CNTN5: variants seen among roughly 807,000 people sequenced by gnomAD.
CNTN5 encodes the protein contactin 5.
Under a neutral mutation model 129.1 loss-of-function variants are expected in CNTN5, and 77 were observed. That is an observed-to-expected ratio of 0.60 (90% CI 0.50 to 0.72). The LOEUF is 0.72. Ranked by LOEUF, CNTN5 falls within the 30% of genes least tolerant of loss-of-function variation. The probability of loss-of-function intolerance (pLI) is 0.00; values close to 1 mark genes in which losing one functional copy is unlikely to be tolerated. For missense variants in CNTN5, 1,478 were observed against 1,328.8 expected (o/e 1.11, Z -1.75); for synonymous variants, 509 against 465.6 (o/e 1.09, Z -1.20).
intron 13 of CNTN5, among the ~76,000 whole-genome samples, chr11:100,170,789 A>G (rs79036891): frequency 0.01 from 1,543 of 151,852 alleles, 21 homozygotes; most frequent in African/African-American, 0.032. Flanking sequence ...TTAAACTTCA[A>G]GGCAACTTCA....
intron 2 of CNTN5, among the ~76,000 whole-genome samples, chr11:99,531,132 A>G (rs550052149): frequency 6.6e-6 from 1 of 152,300 alleles, no homozygotes; most frequent in Non-Finnish European, 1.5e-5. Flanking sequence ...TGATAGGGAT[A>G]TGGACAATAA....
At chr11:99,087,623 T>A (rs1417870237) in intron 1 of CNTN5, among the ~76,000 whole-genome samples, 5 of 152,216 alleles carry the variant, frequency 3.3e-5, no homozygotes, top group African/African-American at 1.2e-4. Flanking sequence ...TCCCTAGTAC[T>A]TCTTGATATC....
intron 18 of CNTN5, among the ~76,000 whole-genome samples, chr11:100,271,513 C>T (rs947332995): frequency 2.2e-4 from 34 of 152,144 alleles, no homozygotes; most frequent in African/African-American, 7.7e-4. Flanking sequence ...GAAATTAAAG[C>T]AGTTCATTTA....
chr11:99,445,849 C>A (rs1216128302), intron 2 of CNTN5, among the ~76,000 whole-genome samples: 1 of 151,818 alleles, frequency 6.6e-6, no homozygotes, highest in Non-Finnish European at 1.5e-5. Context: ...TTTGGGAGGC[C>A]GAGGCAGGCG....
intron 3 of CNTN5, among the ~76,000 whole-genome samples, chr11:99,643,875 T>C (rs609049): frequency 0.6 from 91,317 of 151,868 alleles, 28,294 homozygotes; most frequent in Admixed American, 0.69. Flanking sequence ...GTAAAAGAAC[T>C]ATATTAACTT....
At chr11:99,099,514 A>T (rs919176303) in intron 1 of CNTN5, among the ~76,000 whole-genome samples, 1 of 151,152 alleles carries the variant, frequency 6.6e-6, no homozygotes, top group African/African-American at 2.4e-5. Context: ...GTGTCACCCC[A>T]GGAACGTCTT....
At chr11:99,444,074 T>TGTA (rs1221080223) in intron 2 of CNTN5, among the ~76,000 whole-genome samples, 1 of 151,724 alleles carries the variant, frequency 6.6e-6, no homozygotes, top group Non-Finnish European at 1.5e-5. Flanking sequence ...GGTGGGCGCC[T>TGTA]GTAGTCCCAG....
intron 9 of CNTN5, among the ~76,000 whole-genome samples, chr11:100,005,953 T>C (rs184026823): frequency 1.4e-4 from 22 of 152,206 alleles, no homozygotes; most frequent in Non-Finnish European, 2.6e-4. Context: ...ACCAAATATG[T>C]TCCTAGATAT....
chr11:99,124,250 G>A (rs907362194), intron 1 of CNTN5, among the ~76,000 whole-genome samples: 53 of 151,860 alleles, frequency 3.5e-4, no homozygotes, highest in African/African-American at 1.3e-3. Flanking sequence ...TCCTTTTCCT[G>A]GTTAGCTATA....
intron 3 of CNTN5, among the ~76,000 whole-genome samples, chr11:99,579,122 T>G (rs1949475851): frequency 6.6e-6 from 1 of 152,184 alleles, no homozygotes; most frequent in Non-Finnish European, 1.5e-5. Flanking sequence ...GTCAGGTTTG[T>G]CAAAGATCAG....
chr11:99,425,621 G>A (rs1433270792), intron 2 of CNTN5, among the ~76,000 whole-genome samples: 1 of 152,242 alleles, frequency 6.6e-6, no homozygotes, highest in Non-Finnish European at 1.5e-5. Flanking sequence ...GTGCACTGGA[G>A]CAGGTGCCAG....
At chr11:99,126,574 C>T (rs554108540) in intron 1 of CNTN5, among the ~76,000 whole-genome samples, 3 of 152,124 alleles carry the variant, frequency 2.0e-5, no homozygotes, top group East Asian at 1.9e-4. Context: ...CAGGTAAGAG[C>T]GTAATGATAA....
intron 8 of CNTN5, among the ~76,000 whole-genome samples, chr11:99,999,459 A>G (rs1325037862): frequency 6.6e-6 from 1 of 152,210 alleles, no homozygotes; most frequent in African/African-American, 2.4e-5. Flanking sequence ...ACAATGAGAT[A>G]CCATCTCACA....
chr11:99,348,249 G>T (rs1440029911), intron 2 of CNTN5, among the ~76,000 whole-genome samples: 2 of 152,104 alleles, frequency 1.3e-5, no homozygotes, highest in African/African-American at 4.8e-5. Context: ...TGAGGCAGGA[G>T]AATGGCGTGA....
intron 9 of CNTN5, among the ~76,000 whole-genome samples, chr11:100,007,532 T>G (rs745660823): frequency 2.0e-5 from 3 of 152,124 alleles, no homozygotes; most frequent in Non-Finnish European, 2.9e-5. Flanking sequence ...AAAGATAGCT[T>G]CTTTCCTTAA....
chr11:99,299,590 T>C (rs1168252667), intron 1 of CNTN5, among the ~76,000 whole-genome samples: 1 of 152,144 alleles, frequency 6.6e-6, no homozygotes, highest in African/African-American at 2.4e-5. Flanking sequence ...TTATTGCCCA[T>C]TGTATACCCA....
intron 6 of CNTN5, among the ~76,000 whole-genome samples, chr11:99,858,810 ATGTC>A (rs1170592559): frequency 1.3e-5 from 2 of 152,050 alleles, no homozygotes; most frequent in Non-Finnish European, 2.9e-5. Flanking sequence ...ATTTTTAAAA[ATGTC>A]AGACATTTAG....
At chr11:99,263,419 T>C (rs971653641) in intron 1 of CNTN5, among the ~76,000 whole-genome samples, 1 of 152,126 alleles carries the variant, frequency 6.6e-6, no homozygotes, top group East Asian at 1.9e-4. Flanking sequence ...TGCCTAAAAT[T>C]GTACAAAAGT....
intron 16 of CNTN5, among the ~76,000 whole-genome samples, chr11:100,237,024 C>T (rs1487410322): frequency 6.6e-6 from 1 of 151,630 alleles, no homozygotes; most frequent in Admixed American, 6.6e-5. Context: ...CCCGTCTCTA[C>T]TAAAAATACA....
Sources: allele counts gnomAD v4.1 joint callset (sites outside exome capture counted in the v4.1 genomes callset), GRCh38; gene constraint gnomAD v4.1.1; transcripts MANE v1.5; gene names NCBI Gene and HGNC (gene_info 2026-07-23, HGNC 2026-07-21).